Variants in MIER2 observed in about 807,000 individuals in gnomAD.
The protein encoded by MIER2 is MIER family member 2.
A neutral mutation model predicts 67.6 loss-of-function variants in MIER2; 30 were observed. The ratio of observed to expected loss-of-function variants is 0.44; its 90% CI spans 0.33 to 0.60. The LOEUF (loss-of-function observed/expected upper bound fraction) is 0.60, where lower values mean the gene tolerates loss of function less well. Among genes scored for constraint, MIER2 ranks in the 20% least tolerant of loss-of-function variants. MIER2 has a pLI of 0.02. For synonymous variants in MIER2, 372 were observed against 312.6 expected (o/e 1.19, Z -2.00); for missense variants, 702 against 745.1 (o/e 0.94, Z 0.67).
At chr19:309,040 A>C in intron 10 of MIER2, 115 bp from the exon 11 acceptor site, 1 of 1,429,884 alleles carries the variant, frequency 7.0e-7, no homozygotes, top group Non-Finnish European at 9.4e-7. Context: ...CACAGCACCC[A>C]CCACTCTCAG....
At chr19:315,128 GCTGAGGCGGGCGGGTCAC>G (rs1971180861) in intron 7 of MIER2, among the ~76,000 whole-genome samples, 1 of 152,184 alleles carries the variant, frequency 6.6e-6, no homozygotes, top group Admixed American at 6.5e-5. Context: ...ACTTTGGGAG[GCTGAGGCGGGCGGGTCAC>G]CTGAGGTCAG....
intron 3 of MIER2, among the ~76,000 whole-genome samples, chr19:332,105 A>G (rs1295123924): frequency 6.6e-6 from 1 of 152,078 alleles, no homozygotes; most frequent in East Asian, 1.9e-4. Context: ...TTTTCATAAA[A>G]ATATTTATAT....
At chr19:343,815 C>G (rs976229535) in intron 1 of MIER2, 3 of 983,774 alleles carry the variant, frequency 3.0e-6, no homozygotes, top group Non-Finnish European at 3.6e-6. Context: ...CCTACATTAT[C>G]TCTTTCCATC....
chr19:323,089 A>T (rs1428093489), intron 7 of MIER2, among the ~76,000 whole-genome samples: 2 of 152,094 alleles, frequency 1.3e-5, no homozygotes, highest in African/African-American at 2.4e-5. Flanking sequence ...CACACGACAC[A>T]CACAACCACG....
At chr19:332,065 A>AT (rs545106450) in intron 3 of MIER2, among the ~76,000 whole-genome samples, 3 of 152,034 alleles carry the variant, frequency 2.0e-5, no homozygotes, top group South Asian at 4.1e-4. Context: ...CAGTCTTCTA[A>AT]TTTTTTTTCT....
intron 1 of MIER2, among the ~76,000 whole-genome samples, chr19:339,552 A>G (rs1383226955): frequency 6.6e-6 from 1 of 152,242 alleles, no homozygotes; most frequent in African/African-American, 2.4e-5. Flanking sequence ...AATTCCTCCA[A>G]AAGTTAAATA....
At chr19:340,524 G>A (rs1327028493) in intron 1 of MIER2, 1 of 152,400 alleles carries the variant, frequency 6.6e-6, no homozygotes, top group Non-Finnish European at 1.5e-5. Context: ...TATTCATTAA[G>A]TGGAAGTGGA....
intron 7 of MIER2, among the ~76,000 whole-genome samples, chr19:319,790 T>G (rs1971421520): frequency 6.6e-6 from 1 of 152,010 alleles, no homozygotes; most frequent in South Asian, 2.1e-4. Context: ...CTCCAGAGGT[T>G]AGGAAAAAGG....
chr19:336,168 G>A lies in MIER2; in HGVS notation c.15C>T (p.Ser5=), dbSNP rs985576575. Residue 5 remains serine, a synonymous_variant, in exon 2 of 14, where the codon TCC becomes TCT. Transcript: ENST00000264819. ...CGCGAGGACTCTGCCTCCCCAGCGAGGAGGCCTGCGAAGGAAGAGAGGCAG... is the reference window on the plus strand; with the variant it reads ...CGCGAGGACTCTGCCTCCCCAGCGAAGAGGCCTGCGAAGGAAGAGAGGCAG... MAEA[S]SLGRQSPRVV... 5 of 1,612,908 alleles carry A rather than the reference G, an allele frequency of 3.1e-6. No homozygotes were observed. Among genetic ancestry groups the A allele is most frequent in the Middle Eastern group, 1.7e-4 (1 of 5,978 alleles).
At chr19:321,512 GCGGGTGCCTGTA>G (rs1308136054) in intron 7 of MIER2, among the ~76,000 whole-genome samples, 1 of 152,024 alleles carries the variant, frequency 6.6e-6, no homozygotes, top group Non-Finnish European at 1.5e-5. Flanking sequence ...AGGCGTGGTG[GCGGGTGCCTGTA>G]CTCCCAGTTA....
intron 6 of MIER2, 25 bp downstream of exon 6, chr19:326,482 T>A (rs769070919): frequency 1.2e-6 from 2 of 1,601,032 alleles, no homozygotes; most frequent in Non-Finnish European, 1.7e-6. Context: ...GGATGCCAGG[T>A]TGGGGAGATG....
chr19:327,104 C>A (rs758607251), intron 5 of MIER2, 29 bp downstream of exon 5: 2 of 1,560,702 alleles, frequency 1.3e-6, no homozygotes, highest in South Asian at 2.4e-5. Context: ...GGCCTGGCTG[C>A]GGTGGAGTAT....
At chr19:332,177 G>A (rs954771165) in intron 3 of MIER2, among the ~76,000 whole-genome samples, 10 of 151,892 alleles carry the variant, frequency 6.6e-5, no homozygotes, top group South Asian at 4.2e-4. Context: ...GCACCACCAC[G>A]CCTGGCAATT....
At chr19:327,107 T>A (rs770805372) in intron 5 of MIER2, 26 bp downstream of exon 5, 2 of 1,562,854 alleles carry the variant, frequency 1.3e-6, no homozygotes, top group Non-Finnish European at 1.7e-6. Flanking sequence ...CTGGCTGCGG[T>A]GGAGTATGGG....
chr19:311,910 A>G lies in MIER2; in HGVS notation c.919T>C (p.Cys307Arg), dbSNP rs749706499. ...CGGAAGCCGTGCTCAAAGTTCCTGC[A>G]CTCCTCTTCACTCCAAGCACAGAGC... ...DGLCAWSEEE[C>R]RNFEHGFRVH... The change falls in exon 10 of 14, where the codon TGC (cysteine) becomes CGC (arginine). Residue 307 changes from cysteine (C) to arginine (R), a missense_variant. Around this residue, in one of 3 missense-constraint regions of MIER2, gnomAD observed 128 missense variants for 189.7 expected, o/e 0.67. Transcript: ENST00000264819. The G allele has an allele frequency of 1.9e-6, 3 of 1,613,752 alleles. No individual in the cohort carries two copies. The highest frequency in any genetic ancestry group is 3.3e-5 in the Admixed American group (2 of 59,966).
Position 308,648 on chromosome 19 carries a change from A to C in MIER2, c.1127T>G (p.Leu376Arg). 1 of 1,604,918 alleles carries C rather than the reference A, an allele frequency of 6.2e-7. No homozygotes were observed. The highest frequency in any genetic ancestry group is 8.5e-7 in the Non-Finnish European group (1 of 1,176,958). The change falls in exon 12 of 14, where the codon CTG becomes CGG. Residue 376 changes from leucine to arginine, a missense_variant. Leu to Arg is a moderately radical substitution (Grantham distance 102). Around this residue, in one of 3 missense-constraint regions of MIER2, gnomAD observed 254 missense variants for 262.8 expected, o/e 0.97. Coordinates refer to ENST00000264819, the MANE Select transcript of MIER2 (RefSeq NM_017550.3). This position sits in a 1 kb window ranked among gnomAD's most constrained non-coding sequence, Gnocchi z 9.1. ...PSGTTDADQD[L>R]DGSDPDGPGR... ...GGGGCCATCGGGGTCGCTGCCATCC[A>C]GGTCCTGGTCTGCGTCCCTGTGGGG...
chr19:326,739 G>T, intron 5 of MIER2, 141 bp from the exon 6 acceptor site: 1 of 687,226 alleles, frequency 1.5e-6, no homozygotes, highest in Non-Finnish European at 2.5e-6. Context: ...AAACAGATGG[G>T]CACAGGACCC....
intron 1 of MIER2, among the ~76,000 whole-genome samples, chr19:338,318 CA>C (rs771919473): frequency 6.6e-6 from 1 of 151,510 alleles, no homozygotes; most frequent in African/African-American, 2.4e-5. Flanking sequence ...ACATAAAAAT[CA>C]ATTTTATTTC....
intron 7 of MIER2, among the ~76,000 whole-genome samples, chr19:316,663 G>C (rs543842089): frequency 6.6e-6 from 1 of 152,310 alleles, no homozygotes; most frequent in African/African-American, 2.4e-5. Context: ...TGCATTGTAG[G>C]GGAACTAGAA....
Sources: gnomAD v4.1 joint callset for allele counts (sites outside exome capture counted in the v4.1 genomes callset) on GRCh38, gnomAD v4.1.1 for gene constraint, gnomAD v4.1.1 regional missense constraint, Gnocchi (gnomAD v3.1) non-coding constraint, MANE v1.5 for transcripts, NCBI Gene and HGNC (gene_info 2026-07-23, HGNC 2026-07-21) for gene names.